The following PTPRD variants were observed in gnomAD, a reference collection of about 807,000 sequenced individuals.
PTPRD encodes receptor-type tyrosine-protein phosphatase delta.
PTPRD carries 34 observed loss-of-function variants against 214.5 expected under a neutral mutation model. The ratio of observed to expected loss-of-function variants is 0.16; its 90% CI spans 0.12 to 0.21. The LOEUF is 0.21. Ranked by LOEUF, PTPRD falls within the 10% of genes least tolerant of loss-of-function variation. The pLI, the probability that PTPRD is intolerant of heterozygous loss-of-function variation, is 1.00. For synonymous variants in PTPRD, 1,128 were observed against 845.7 expected (o/e 1.33, Z -5.79); for missense variants, 2,545 against 2,398.7 (o/e 1.06, Z -1.27).
intron 14 of PTPRD, among the ~76,000 whole-genome samples, chr9:8,615,388 A>G (rs1319652716): frequency 1.3e-5 from 2 of 152,148 alleles, no homozygotes; most frequent in African/African-American, 4.8e-5. Flanking sequence ...ACTTTGAGAA[A>G]AAGTAAGCTA....
intron 9 of PTPRD, among the ~76,000 whole-genome samples, chr9:9,340,312 A>G (rs1221536460): frequency 1.3e-5 from 2 of 152,228 alleles, no homozygotes; most frequent in East Asian, 1.9e-4. Flanking sequence ...ATCCAAGACT[A>G]TAATATGAAG....
intron 12 of PTPRD, among the ~76,000 whole-genome samples, chr9:8,697,779 G>T (rs1480981328): frequency 2.6e-5 from 4 of 152,048 alleles, no homozygotes; most frequent in Non-Finnish European, 4.4e-5. Flanking sequence ...GTGTGTGTGT[G>T]TGTTTGGGGA....
chr9:10,250,347 T>G (rs867567940), intron 3 of PTPRD, among the ~76,000 whole-genome samples: 44 of 152,212 alleles, frequency 2.9e-4, no homozygotes, highest in African/African-American at 1.0e-3. Context: ...CACAATAATT[T>G]TATAAGACAG....
At chr9:9,536,469 T>G (rs2076540997) in intron 8 of PTPRD, among the ~76,000 whole-genome samples, 1 of 152,098 alleles carries the variant, frequency 6.6e-6, no homozygotes, top group African/African-American at 2.4e-5. Context: ...ATGAATCTAA[T>G]GGAATCAGTA....
intron 3 of PTPRD, among the ~76,000 whole-genome samples, chr9:10,170,071 C>G (rs1436271681): frequency 6.6e-6 from 1 of 152,156 alleles, no homozygotes; most frequent in Non-Finnish European, 1.5e-5. Context: ...ACAGAAGGGA[C>G]TTTTGCATAT....
chr9:10,022,479 C>G (rs1342419654), intron 4 of PTPRD, among the ~76,000 whole-genome samples: 3 of 151,646 alleles, frequency 2.0e-5, no homozygotes, highest in Non-Finnish European at 4.4e-5. Context: ...TGCTACCCCA[C>G]AAGATTATTA....
chr9:9,667,376 A>G (rs778938670), intron 7 of PTPRD, among the ~76,000 whole-genome samples: 3 of 152,060 alleles, frequency 2.0e-5, no homozygotes, highest in Non-Finnish European at 2.9e-5. Context: ...ATAGTGCTCA[A>G]CTACTGAATA....
chr9:10,011,504 C>T (rs1357055990), intron 4 of PTPRD, among the ~76,000 whole-genome samples: 2 of 151,878 alleles, frequency 1.3e-5, no homozygotes, highest in Non-Finnish European at 2.9e-5. Context: ...TCATTGACTC[C>T]TCTACTTTAT....
intron 7 of PTPRD, among the ~76,000 whole-genome samples, chr9:9,597,691 T>G (rs986914130): frequency 6.6e-6 from 1 of 151,922 alleles, no homozygotes; most frequent in African/African-American, 2.4e-5. Context: ...AAAAAAGATA[T>G]GTAATTGATG....
At chr9:10,610,865 C>T (rs2080796955) in intron 2 of PTPRD, among the ~76,000 whole-genome samples, 2 of 152,136 alleles carry the variant, frequency 1.3e-5, no homozygotes, top group African/African-American at 4.8e-5. Context: ...ATCAAAACAA[C>T]TCTAAAACAT....
At chr9:10,230,024 C>G (rs536065623) in intron 3 of PTPRD, among the ~76,000 whole-genome samples, 1 of 151,932 alleles carries the variant, frequency 6.6e-6, no homozygotes, top group Non-Finnish European at 1.5e-5. Flanking sequence ...TTTCAATTCT[C>G]AAGTTAGGCT....
chr9:10,477,242 G>A (rs565745347), intron 2 of PTPRD, among the ~76,000 whole-genome samples: 1 of 152,112 alleles, frequency 6.6e-6, no homozygotes, highest in South Asian at 2.1e-4. Context: ...ATCTGACAAA[G>A]GGCTAAATTC....
At chr9:9,824,034 G>T (rs1210015891) in intron 5 of PTPRD, among the ~76,000 whole-genome samples, 2 of 151,768 alleles carry the variant, frequency 1.3e-5, no homozygotes, top group African/African-American at 2.4e-5. Flanking sequence ...GAAAAGAAAT[G>T]CAGTCAACTC....
chr9:10,229,306 G>T (rs2099600129), intron 3 of PTPRD, among the ~76,000 whole-genome samples: 1 of 152,022 alleles, frequency 6.6e-6, no homozygotes, highest in African/African-American at 2.4e-5. Context: ...ATTCCTCAGG[G>T]ATCTAGAACT....
chr9:9,590,784 T>C (rs924668262), intron 7 of PTPRD, among the ~76,000 whole-genome samples: 2 of 152,148 alleles, frequency 1.3e-5, no homozygotes, highest in Non-Finnish European at 2.9e-5. Context: ...TTGCCTCCAT[T>C]TGAAATACTG....
intron 5 of PTPRD, among the ~76,000 whole-genome samples, chr9:9,876,900 G>T (rs191923422): frequency 6.6e-6 from 1 of 152,034 alleles, no homozygotes; most frequent in Admixed American, 6.6e-5. Flanking sequence ...TTACTCATTC[G>T]TGTCACATCA....
In PTPRD at chr9:8,316,083, A is replaced by C. The variant is rs1477823520; in HGVS notation, c.*1791T>G. Reference sequence around the variant, plus strand: ...CAGAGCGGATTTGGAAGGGAATATAAATAAAACAAGTAGCTTTTTCTGATG... The same window carrying C: ...CAGAGCGGATTTGGAAGGGAATATACATAAAACAAGTAGCTTTTTCTGATG... On this transcript the variant is annotated 3_prime_UTR_variant, in exon 46 of 46. Coordinates refer to ENST00000381196, the MANE Select transcript of PTPRD (RefSeq NM_002839.4). 2 of 229,674 alleles carry C rather than the reference A, an allele frequency of 8.7e-6. No individual in the cohort carries two copies. The highest frequency in any genetic ancestry group is 1.7e-5 in the Non-Finnish European group (2 of 115,622). 14.2% of individuals were successfully genotyped at this position (229,674 alleles called of 1,614,324 possible).
chr9:9,093,851 T>G (rs752118834), intron 10 of PTPRD, among the ~76,000 whole-genome samples: 1 of 149,186 alleles, frequency 6.7e-6, no homozygotes, highest in African/African-American at 2.5e-5. Context: ...AAAACAGAAA[T>G]ACAATACAGA....
intron 9 of PTPRD, among the ~76,000 whole-genome samples, chr9:9,321,975 A>G (rs1367730413): frequency 6.6e-6 from 1 of 152,294 alleles, no homozygotes. Flanking sequence ...GTTTATTGGC[A>G]AGGCACTCTG....
Sources: allele counts gnomAD v4.1 joint callset (sites outside exome capture counted in the v4.1 genomes callset), GRCh38; gene constraint gnomAD v4.1.1; transcripts MANE v1.5; gene names NCBI Gene and HGNC (gene_info 2026-07-23, HGNC 2026-07-21).